The following SEMA4F variants were observed in gnomAD, a reference collection of about 807,000 sequenced individuals.
SEMA4F encodes the protein semaphorin-4F.
A neutral mutation model predicts 78.4 loss-of-function variants in SEMA4F; 51 were observed. The ratio of observed to expected loss-of-function variants is 0.65; its 90% confidence interval spans 0.52 to 0.82. The LOEUF (loss-of-function observed/expected upper bound fraction) is 0.82. SEMA4F is among the 40% of genes least tolerant of loss of function. The probability of loss-of-function intolerance (pLI) is 0.00; values close to 1 mark genes in which losing one functional copy is unlikely to be tolerated. For synonymous variants in SEMA4F, 418 were observed against 408.7 expected, an observed-to-expected ratio of 1.02 and a Z score of -0.27; for missense variants, 938 against 1,014.4, an observed-to-expected ratio of 0.92 and a Z score of 1.02.
intron 2 of SEMA4F, 64 bp downstream of exon 2, chr2:74,656,749 G>C: frequency 6.5e-7 from 1 of 1,550,196 alleles, no homozygotes; most frequent in African/African-American, 1.4e-5. Flanking sequence ...ATGATTTTAT[G>C]AGTGTGTGTG....
chr2:74,674,415 G>C, intron 7 of SEMA4F, 83 bp from the exon 8 acceptor site: 1 of 1,313,816 alleles, frequency 7.6e-7, no homozygotes, highest in Admixed American at 2.2e-5. Context: ...CCTGAAGTCA[G>C]GGAGGAAACT....
At chr2:74,676,586 A>T (rs1048243378) in intron 12 of SEMA4F, among the ~76,000 whole-genome samples, 2 of 152,106 alleles carry the variant, frequency 1.3e-5, no homozygotes, top group Non-Finnish European at 1.5e-5. Context: ...AGGGACCTCC[A>T]TGCATCCAGT....
downstream of SEMA4F, among the ~76,000 whole-genome samples, chr2:74,688,726 G>T (rs943258766): frequency 3.3e-5 from 5 of 152,176 alleles, no homozygotes; most frequent in Admixed American, 1.3e-4. Context: ...TCAAAATTTA[G>T]ATCTTGTATG....
chr2:74,660,626 T>G (rs904208618), intron 4 of SEMA4F, among the ~76,000 whole-genome samples: 1 of 152,216 alleles, frequency 6.6e-6, no homozygotes, highest in Non-Finnish European at 1.5e-5. Flanking sequence ...ATAGATAATA[T>G]AGTGGAGTGG....
intron 5 of SEMA4F, among the ~76,000 whole-genome samples, chr2:74,669,597 C>T (rs538142863): frequency 2.5e-4 from 37 of 150,128 alleles, no homozygotes; most frequent in African/African-American, 8.7e-4. Context: ...ACAACAACAA[C>T]AACAACAACA....
intron 5 of SEMA4F, among the ~76,000 whole-genome samples, chr2:74,670,765 C>G (rs556848540): frequency 6.6e-6 from 1 of 152,164 alleles, no homozygotes; most frequent in South Asian, 2.1e-4. Flanking sequence ...ACTTTTCCCC[C>G]CTTGGAAATA....
At position 74,679,694 on chromosome 2, in the gene SEMA4F, C is replaced by T. The variant is rs199912519; in HGVS notation, c.1798C>T (p.Gln600Ter). 1 of 1,614,074 alleles carries T rather than the reference C, an allele frequency of 6.2e-7. No individual in the cohort carries two copies. Among genetic ancestry groups the T allele is most frequent in the East Asian group, 2.2e-5 (1 of 44,888 alleles). ...AGCATGGGCATCCTGTGTGTGGCACCAGCCCAGTGGAGTGACTGCACTCAC... is the reference window on the plus strand; with the variant it reads ...AGCATGGGCATCCTGTGTGTGGCACTAGCCCAGTGGAGTGACTGCACTCAC... ...SSAWASCVWH[Q>*]PSGVTALTPR... The change falls in exon 14 of 14, where the codon CAG (glutamine) becomes TAG (stop). Residue 600 changes from glutamine to a stop codon, truncating the protein, a stop_gained. Transcript: ENST00000357877. LOFTEE classifies it high-confidence loss of function.
rs372785695 is a variant in SEMA4F, at chr2:74,674,647, C to T, written c.972C>T (p.Pro324=). 41 of 1,613,956 alleles carry T rather than the reference C, an allele frequency of 2.5e-5. No homozygotes were observed. The African/African-American group carries it at 4.4e-4, about 17-fold the overall frequency. ...VLRPELGAGT[P]IFYGIFSSQW... ...GACCTGAGCTTGGGGCAGGGACTCC[C>T]ATCTTTTATGGCATCTTTTCTTCCC... Residue 324 remains proline, a synonymous_variant, in exon 8 of 14, where the codon CCC becomes CCT. Coordinates refer to ENST00000357877, the MANE Select transcript of SEMA4F (RefSeq NM_004263.5).
the SEMA4F span, among the ~76,000 whole-genome samples, chr2:74,693,899 G>C: frequency 6.6e-6 from 1 of 152,022 alleles, no homozygotes; most frequent in African/African-American, 2.4e-5. Context: ...CCAGTCTTCT[G>C]CTGCAGTAAG....
chr2:74,671,228 CCA>C (rs1684969508), intron 5 of SEMA4F, among the ~76,000 whole-genome samples: 1 of 152,196 alleles, frequency 6.6e-6, no homozygotes. Context: ...TCTCACTTCC[CCA>C]CCCCAAAAGA....
At chr2:74,673,604 G>A (rs1685102674) in intron 6 of SEMA4F, 28 bp downstream of exon 6, 1 of 1,613,838 alleles carries the variant, frequency 6.2e-7, no homozygotes. Flanking sequence ...GGTCCTCTGG[G>A]GAGACCGATG....
At position 74,658,056 on chromosome 2, in the gene SEMA4F, G is replaced by A. The variant is rs1684247469; in HGVS notation, c.456+105G>A. ...AGGGTTTTCTGTGAGCGACCATGAT[G>A]GGGGCATGGTCAAGGCAACCATTGT... is the stretch of plus-strand genomic sequence containing the variant. On this transcript the variant is annotated intron_variant, in intron 4 of 13. Coordinates refer to ENST00000357877, the MANE Select transcript of SEMA4F (RefSeq NM_004263.5). This position sits in a 1 kb window ranked among gnomAD's most constrained non-coding sequence, Gnocchi z 4.3. 2.0e-6 allele frequency: 2 copies of A among 996,708 alleles called. No homozygotes were observed. The highest frequency in any genetic ancestry group is 1.3e-5 in the South Asian group (1 of 77,172). 61.7% of individuals were successfully genotyped at this position (996,708 alleles called of 1,614,324 possible). A position where few individuals can be genotyped will look rare whatever the true frequency, so the allele number is the denominator to read the frequency against.
intron 7 of SEMA4F, among the ~76,000 whole-genome samples, chr2:74,674,044 G>A (rs1404365754): frequency 6.6e-6 from 1 of 152,208 alleles, no homozygotes; most frequent in Non-Finnish European, 1.5e-5. Flanking sequence ...ACAGTGTAGA[G>A]GTTACTGACT....
rs913622092 is a variant in SEMA4F at position 74,656,778 on chromosome 2, A to G, written c.297+93A>G. ...GTGTGTGGGGGATTTCATAATAACT[A>G]AAGATGTAACAGCAGGGGTAGTAGG... is the stretch of plus-strand genomic sequence containing the variant. On this transcript the variant is annotated intron_variant, in intron 2 of 13. Transcript: ENST00000357877. 9.6e-6 allele frequency: 13 copies of G among 1,347,478 alleles called. No homozygotes were observed. The African/African-American group carries it at 1.5e-4, about 15-fold the overall frequency. The allele number at this position is 1,347,478 out of a possible 1,614,324, so 83.5% of individuals were successfully genotyped here. A position where few individuals can be genotyped will look rare whatever the true frequency, so the allele number is the denominator to read the frequency against.
chr2:74,655,705 A>G (rs751347003), intron 1 of SEMA4F, among the ~76,000 whole-genome samples: 5 of 152,146 alleles, frequency 3.3e-5, no homozygotes, highest in Non-Finnish European at 7.4e-5. Flanking sequence ...GGTGAAGCAG[A>G]GTTGAGGATG....
the SEMA4F span, among the ~76,000 whole-genome samples, chr2:74,698,469 T>C: frequency 6.6e-6 from 1 of 152,224 alleles, no homozygotes; most frequent in Non-Finnish European, 1.5e-5. Context: ...ACAGCAATTC[T>C]TGTCTTCTGT....
the SEMA4F span, among the ~76,000 whole-genome samples, chr2:74,691,912 T>C: frequency 6.6e-6 from 1 of 152,150 alleles, no homozygotes; most frequent in Non-Finnish European, 1.5e-5. Context: ...TGGACGTATA[T>C]ATGGCTCGGT....
At chr2:74,674,444 C>T in intron 7 of SEMA4F, 54 bp from the exon 8 acceptor site, 1 of 1,528,578 alleles carries the variant, frequency 6.5e-7, no homozygotes, top group Non-Finnish European at 8.9e-7. Flanking sequence ...TCTCCATGCT[C>T]CTTGCCCAAT....
downstream of SEMA4F, among the ~76,000 whole-genome samples, chr2:74,686,017 C>T (rs1371637270): frequency 6.6e-6 from 1 of 152,148 alleles, no homozygotes; most frequent in Non-Finnish European, 1.5e-5. Flanking sequence ...GAGATACCAT[C>T]TCACGCCAAT....
Sources: gnomAD v4.1 joint callset for allele counts (sites outside exome capture counted in the v4.1 genomes callset) on GRCh38, gnomAD v4.1.1 for gene constraint, Gnocchi (gnomAD v3.1) non-coding constraint, MANE v1.5 for transcripts, NCBI Gene and HGNC (gene_info 2026-07-23, HGNC 2026-07-21) for gene names.